Variants in CAMK2D observed in about 807,000 individuals in gnomAD.
CAMK2D encodes the protein calcium/calmodulin dependent protein kinase II delta.
A neutral mutation model predicts 84.0 loss-of-function variants in CAMK2D; 37 were observed. That is an observed-to-expected ratio of 0.44 (90% CI 0.34 to 0.58). The LOEUF (loss-of-function observed/expected upper bound fraction) is 0.58, where lower values mean the gene tolerates loss of function less well. Ranked by LOEUF, CAMK2D falls within the 20% of genes least tolerant of loss-of-function variation. CAMK2D has a pLI of 0.02. For missense variants in CAMK2D, 448 were observed against 652.5 expected, an observed-to-expected ratio of 0.69 and a Z score of 3.41; for synonymous variants, 202 against 212.5, an observed-to-expected ratio of 0.95 and a Z score of 0.43.
In CAMK2D at chr4:113,461,257, T is replaced by C. The variant is rs567824454; in HGVS notation, c.1212-1016A>G. On this transcript the variant is annotated intron_variant, in intron 17 of 20. Transcript: ENST00000511664. ...ATTTGGAAAAAACCAATGAGCTTTC[T>C]TTGGAGAAATTTATTTATTCAGTAA... Among the ~76,000 whole-genome samples the C allele has an allele frequency of 1.8e-4, 27 of 149,320 alleles. No individual in the cohort carries two copies. In the East Asian group the frequency reaches 5.0e-3, roughly 28 times the overall value.
intron 7 of CAMK2D, among the ~76,000 whole-genome samples, chr4:113,531,567 A>G (rs2098458443): frequency 6.6e-6 from 1 of 152,196 alleles, no homozygotes; most frequent in Non-Finnish European, 1.5e-5. Context: ...GTCACTGTGT[A>G]TACTTAAGGC....
At chr4:113,726,835 G>A (rs1174092949) in intron 2 of CAMK2D, among the ~76,000 whole-genome samples, 1 of 151,996 alleles carries the variant, frequency 6.6e-6, no homozygotes, top group Non-Finnish European at 1.5e-5. Flanking sequence ...CTAGTCAAAG[G>A]GCTGCACATT....
chr4:113,512,089 T>C (rs2098222508), intron 12 of CAMK2D, among the ~76,000 whole-genome samples: 2 of 152,228 alleles, frequency 1.3e-5, no homozygotes. Context: ...TTATGTAAAC[T>C]GTATCCAAAC....
chr4:113,706,394 A>G (rs2099455557), intron 2 of CAMK2D, among the ~76,000 whole-genome samples: 1 of 152,208 alleles, frequency 6.6e-6, no homozygotes. Flanking sequence ...GACATTCCCT[A>G]AATAAAAATG....
rs1003392966 is a variant in CAMK2D at position 113,761,165 on chromosome 4, A to G, written c.-97T>C. The G allele has an allele frequency of 5.2e-6, 8 of 1,541,794 alleles. No homozygotes were observed. The highest frequency in any genetic ancestry group is 6.1e-6 in the Non-Finnish European group (7 of 1,139,400). ...GACTGGCCCCGCGGCGCTGTCACCC[A>G]GGGCCGCTCTTACTTTCCTGGTCCG... On this transcript the variant is annotated 5_prime_UTR_variant, in exon 1 of 21. Coordinates refer to ENST00000511664, the MANE Select transcript of CAMK2D (RefSeq NM_001321571.2).
chr4:113,692,714 A>ATATACATACATATATT (rs1176850643), intron 2 of CAMK2D, among the ~76,000 whole-genome samples: 3 of 152,100 alleles, frequency 2.0e-5, no homozygotes, highest in South Asian at 2.1e-4. Context: ...ACATATTCAT[A>ATATACATACATATATT]TATACATACA....
intron 6 of CAMK2D, among the ~76,000 whole-genome samples, chr4:113,537,899 T>A (rs1159965071): frequency 6.6e-6 from 1 of 152,234 alleles, no homozygotes; most frequent in Non-Finnish European, 1.5e-5. Flanking sequence ...AAATCCTAGT[T>A]AACTTCAAGA....
chr4:113,635,042 G>A (rs1410215258), intron 3 of CAMK2D, among the ~76,000 whole-genome samples: 1 of 152,088 alleles, frequency 6.6e-6, no homozygotes, highest in Non-Finnish European at 1.5e-5. Context: ...AAAAATGAGG[G>A]GTTAGCAAGT....
intron 7 of CAMK2D, among the ~76,000 whole-genome samples, chr4:113,532,688 C>G (rs1160207472): frequency 6.6e-6 from 1 of 152,158 alleles, no homozygotes; most frequent in African/African-American, 2.4e-5. Flanking sequence ...AGATTACATC[C>G]AATGTTCTTA....
In CAMK2D at chr4:113,751,791, T is replaced by A. The variant is rs544658925; in HGVS notation, c.160+7529A>T. 6.6e-5 allele frequency among the ~76,000 whole-genome samples: 10 copies of A among 151,866 alleles called. No individual in the cohort carries two copies. In the East Asian group the frequency reaches 1.5e-3, roughly 23 times the overall value. The stretch of plus-strand genomic sequence containing the variant: ...TCTCAAAATAAATAAATAAATAATT[T>A]TAAAAAAAATTTTATCAGACATAGG... On this transcript the variant is annotated intron_variant, in intron 2 of 20. Coordinates refer to ENST00000511664, the MANE Select transcript of CAMK2D (RefSeq NM_001321571.2).
chr4:113,453,061 A>C lies in CAMK2D; in HGVS notation c.*1484T>G, dbSNP rs1407727594. 6.6e-6 allele frequency: 1 copy of C among 152,236 alleles called. No individual in the cohort carries two copies. The highest frequency in any genetic ancestry group is 1.5e-5 in the Non-Finnish European group (1 of 68,010). The allele number at this position is 152,236 out of a possible 1,614,324, so 9.4% of individuals were successfully genotyped here. ...TTAAAATAACAATGATGGAGATTCC[A>C]TGCACTGTAAAGCACTTCAGGGAAG... is the stretch of plus-strand genomic sequence containing the variant. On this transcript the variant is annotated 3_prime_UTR_variant, in exon 21 of 21. Transcript: ENST00000511664.
intron 3 of CAMK2D, among the ~76,000 whole-genome samples, chr4:113,618,892 G>A (rs554649747): frequency 6.6e-6 from 1 of 152,214 alleles, no homozygotes; most frequent in South Asian, 2.1e-4. Context: ...TTTTATCTAA[G>A]CCTTCGAGAG....
chr4:113,633,412 G>A (rs2099097999), intron 3 of CAMK2D, among the ~76,000 whole-genome samples: 1 of 152,096 alleles, frequency 6.6e-6, no homozygotes, highest in Admixed American at 6.6e-5. Flanking sequence ...GTCAATGCAG[G>A]AAAGAAAACA....
intron 4 of CAMK2D, among the ~76,000 whole-genome samples, chr4:113,591,692 CT>C (rs2098886144): frequency 6.6e-6 from 1 of 152,210 alleles, no homozygotes. Flanking sequence ...CCGTGCTCTC[CT>C]TTCACCCTTA....
intron 2 of CAMK2D, among the ~76,000 whole-genome samples, chr4:113,757,778 C>T (rs954161170): frequency 6.6e-6 from 1 of 152,114 alleles, no homozygotes; most frequent in Non-Finnish European, 1.5e-5. Flanking sequence ...AAGAAGGCTT[C>T]TTCTCCACAG....
At chr4:113,599,591 T>C (rs78291065) in intron 4 of CAMK2D, among the ~76,000 whole-genome samples, 6,209 of 152,160 alleles carry the variant, frequency 0.041, 357 homozygotes, top group East Asian at 0.19. Flanking sequence ...GGGTAGAGTA[T>C]CAACCCCCCA....
At position 113,460,148 on chromosome 4, in the gene CAMK2D, A is replaced by G; in HGVS notation, c.1305T>C (p.Asn435=). ...GMDFHRFYFE[N]ALSKSNKPIH... ...TTATTAAATTAGGAATAAATGTACCATTTTCAAAGTAGAATCGGTGAAAAT... is the reference window on the plus strand; with the variant it reads ...TTATTAAATTAGGAATAAATGTACCGTTTTCAAAGTAGAATCGGTGAAAAT... Residue 435 remains asparagine, a splice_region_variant and synonymous_variant, in exon 18 of 21, where the codon AAT becomes AAC. Transcript: ENST00000511664. 2 of 1,548,194 alleles carry G rather than the reference A, an allele frequency of 1.3e-6. No homozygotes were observed. Among genetic ancestry groups the G allele is most frequent in the Non-Finnish European group, 1.8e-6 (2 of 1,120,774 alleles).
At chr4:113,628,289 GT>G (rs1398374620) in intron 3 of CAMK2D, among the ~76,000 whole-genome samples, 9 of 152,036 alleles carry the variant, frequency 5.9e-5, no homozygotes, top group African/African-American at 2.2e-4. Flanking sequence ...TTACACTACA[GT>G]TTATAACCTA....
At chr4:113,643,194 C>T (rs945258262) in intron 3 of CAMK2D, among the ~76,000 whole-genome samples, 9 of 152,016 alleles carry the variant, frequency 5.9e-5, no homozygotes, top group African/African-American at 2.2e-4. Context: ...TATATTCATT[C>T]AAATATATGC....
Sources: gnomAD v4.1 joint callset for allele counts (sites outside exome capture counted in the v4.1 genomes callset) on GRCh38, gnomAD v4.1.1 for gene constraint, MANE v1.5 for transcripts, NCBI Gene and HGNC (gene_info 2026-07-23, HGNC 2026-07-21) for gene names.